TSHZ3: variants seen among roughly 807,000 people sequenced by gnomAD.
TSHZ3 encodes teashirt homolog 3.
TSHZ3 carries 10 observed loss-of-function variants against 64.5 expected under a neutral mutation model. The ratio of observed to expected loss-of-function variants is 0.16; its 90% CI spans 0.10 to 0.26. TSHZ3 has a LOEUF of 0.26. Ranked by LOEUF, TSHZ3 falls within the 10% of genes least tolerant of loss-of-function variation. TSHZ3 has a pLI of 1.00. For synonymous variants in TSHZ3, 608 were observed against 593.1 expected, an observed-to-expected ratio of 1.03 and a Z score of -0.36; for missense variants, 1,242 against 1,421.7, an observed-to-expected ratio of 0.87 and a Z score of 2.03.
At chr19:31,173,471 AAT>A (rs1261737997) in intron 5 of TSHZ3, among the ~76,000 whole-genome samples, 4 of 152,232 alleles carry the variant, frequency 2.6e-5, no homozygotes, top group Admixed American at 2.6e-4. Flanking sequence ...TCACATTAAG[AAT>A]ATGTCATCTA....
intron 5 of TSHZ3, among the ~76,000 whole-genome samples, chr19:31,185,617 T>C (rs943352321): frequency 6.6e-6 from 1 of 152,190 alleles, no homozygotes; most frequent in African/African-American, 2.4e-5. Flanking sequence ...GATTATCCCC[T>C]TCTTCTCTTA....
intron 1 of TSHZ3, among the ~76,000 whole-genome samples, chr19:31,338,298 C>T (rs1013323025): frequency 6.6e-6 from 1 of 152,152 alleles, no homozygotes; most frequent in Admixed American, 6.5e-5. Context: ...AACCCAGAAG[C>T]GATTAACTGG....
At chr19:31,162,176 A>G (rs1974381822) in intron 5 of TSHZ3, among the ~76,000 whole-genome samples, 1 of 152,048 alleles carries the variant, frequency 6.6e-6, no homozygotes, top group African/African-American at 2.4e-5. Flanking sequence ...TGCGTGTCCT[A>G]TTGATCACTT....
chr19:31,336,877 T>C (rs1264400238), intron 1 of TSHZ3, among the ~76,000 whole-genome samples: 1 of 152,208 alleles, frequency 6.6e-6, no homozygotes, highest in Non-Finnish European at 1.5e-5. Flanking sequence ...GCATCGTCTT[T>C]GAATGTTGAA....
chr19:31,219,128 T>C lies in TSHZ3; in HGVS notation n.686+8877A>G, dbSNP rs553128025. On this transcript the variant is annotated intron_variant and non_coding_transcript_variant, in intron 4 of 6. Coordinates refer to the TSHZ3 transcript ENST00000651361. ...TCTTCGAAGCTGACAGTGAGGCCTT[T>C]ATGCTTTCACCATACGTATAAAATC... Among the ~76,000 whole-genome samples the C allele has an allele frequency of 8.7e-4, 133 of 152,334 alleles. No individual in the cohort carries two copies. In the South Asian group the frequency reaches 0.012, roughly 14 times the overall value.
intron 1 of TSHZ3, among the ~76,000 whole-genome samples, chr19:31,259,531 T>C (rs543738634): frequency 6.6e-6 from 1 of 151,916 alleles, no homozygotes; most frequent in Non-Finnish European, 1.5e-5. Context: ...GCTAGGCACA[T>C]GGGCTGGGGT....
chr19:31,277,482 A>G lies in TSHZ3; in HGVS notation c.2311T>C (p.Ser771Pro), dbSNP rs1460262603. The G allele has an allele frequency of 6.2e-7, 1 of 1,611,402 alleles. No homozygotes were observed. The highest frequency in any genetic ancestry group is 1.1e-5 in the South Asian group (1 of 90,894). ...AAVATPPPLQ[S>P]KKADHLDRYF... ...CGGTCGAGGTGGTCTGCCTTCTTGG[A>G]CTGCAGGGGCGGCGGGGTGGCCACA... Residue 771 changes from serine (S) to proline (P), a missense_variant, in exon 2 of 2, where the codon TCC becomes CCC. This residue lies in a region of TSHZ3 where 550 missense variants were observed against 545.1 expected (regional missense o/e 1.01). Coordinates refer to ENST00000240587, the MANE Select transcript of TSHZ3 (RefSeq NM_020856.4). This position sits in a 1 kb window ranked among gnomAD's most constrained non-coding sequence, Gnocchi z 4.5.
intron 1 of TSHZ3, among the ~76,000 whole-genome samples, chr19:31,284,011 C>G (rs1237265508): frequency 6.6e-6 from 1 of 152,184 alleles, no homozygotes; most frequent in African/African-American, 2.4e-5. Flanking sequence ...CGATTCGACC[C>G]AACAATGCAT....
At chr19:31,297,362 G>C (rs1456377441) in intron 1 of TSHZ3, among the ~76,000 whole-genome samples, 4 of 152,228 alleles carry the variant, frequency 2.6e-5, no homozygotes, top group Non-Finnish European at 5.9e-5. Flanking sequence ...CCACCCTTCT[G>C]CTGTGAAGAC....
intron 1 of TSHZ3, among the ~76,000 whole-genome samples, chr19:31,280,143 C>T (rs970204236): frequency 6.6e-6 from 1 of 152,138 alleles, no homozygotes; most frequent in African/African-American, 2.4e-5. Context: ...ATTAATATGT[C>T]TTATGCTTCT....
chr19:31,233,862 T>C (rs1232371798), intron 3 of TSHZ3, among the ~76,000 whole-genome samples: 4 of 152,052 alleles, frequency 2.6e-5, no homozygotes, highest in African/African-American at 4.8e-5. Context: ...TTCGTTCTTT[T>C]TAAAGATTGT....
At chr19:31,182,814 C>T (rs1974738142) in intron 5 of TSHZ3, among the ~76,000 whole-genome samples, 1 of 152,120 alleles carries the variant, frequency 6.6e-6, no homozygotes, top group Non-Finnish European at 1.5e-5. Context: ...GACTCATGGG[C>T]CCTAAAATAG....
chr19:31,319,410 A>G (rs937313216), intron 1 of TSHZ3, among the ~76,000 whole-genome samples: 4 of 152,238 alleles, frequency 2.6e-5, no homozygotes, highest in African/African-American at 7.2e-5. Context: ...AAAGCTACTC[A>G]TATATATGAA....
At chr19:31,303,749 G>T (rs969434393) in intron 1 of TSHZ3, among the ~76,000 whole-genome samples, 1 of 152,174 alleles carries the variant, frequency 6.6e-6, no homozygotes, top group Non-Finnish European at 1.5e-5. Flanking sequence ...GATGGCACCC[G>T]CTGGCTGCAC....
intron 1 of TSHZ3, among the ~76,000 whole-genome samples, chr19:31,303,676 G>A (rs1976793667): frequency 1.3e-5 from 2 of 152,230 alleles, no homozygotes; most frequent in Admixed American, 6.5e-5. Flanking sequence ...AAGGTGTCAA[G>A]GCCTCACAGG....
chr19:31,258,416 G>A (rs1975941277), intron 1 of TSHZ3, among the ~76,000 whole-genome samples: 1 of 152,158 alleles, frequency 6.6e-6, no homozygotes, highest in South Asian at 2.1e-4. Context: ...GAGGCCACTT[G>A]CAAACCCTTG....
chr19:31,242,174 A>G (rs554923401), intron 3 of TSHZ3, among the ~76,000 whole-genome samples: 3 of 152,334 alleles, frequency 2.0e-5, no homozygotes, highest in African/African-American at 7.2e-5. Flanking sequence ...TCCAGAAGAC[A>G]GCTTTAGTAT....
At chr19:31,239,295 T>A (rs1185798186) in intron 3 of TSHZ3, among the ~76,000 whole-genome samples, 1 of 152,118 alleles carries the variant, frequency 6.6e-6, no homozygotes, top group Non-Finnish European at 1.5e-5. Context: ...AGTTTTATTA[T>A]GAGTAATTTA....
chr19:31,150,253 C>T lies in TSHZ3; in HGVS notation n.2363G>A, dbSNP rs1039269263. Among the ~76,000 whole-genome samples, 5 of 152,290 alleles carry T rather than the reference C, an allele frequency of 3.3e-5. No homozygotes were observed. In the South Asian group the frequency reaches 8.3e-4, roughly 25 times the overall value. Reference sequence around the variant, plus strand: ...ATGCTCTGAAGTCAGCCCGTGAGGCCCGTGTGCTGGGAGCCAGTCCCGGGC... The same window carrying T: ...ATGCTCTGAAGTCAGCCCGTGAGGCTCGTGTGCTGGGAGCCAGTCCCGGGC... On this transcript the variant is annotated non_coding_transcript_exon_variant, in exon 7 of 7. Coordinates refer to the TSHZ3 transcript ENST00000651361.
Sources: gnomAD v4.1 joint callset for allele counts (sites outside exome capture counted in the v4.1 genomes callset) on GRCh38, gnomAD v4.1.1 for gene constraint, gnomAD v4.1.1 regional missense constraint, Gnocchi (gnomAD v3.1) non-coding constraint, MANE v1.5 for transcripts, NCBI Gene and HGNC (gene_info 2026-07-23, HGNC 2026-07-21) for gene names.